The following CELF4 variants were observed in gnomAD, a reference collection of about 807,000 sequenced individuals.
CELF4 encodes the protein CUG-BP- and ETR-3-like factor 4.
A neutral mutation model predicts 59.9 loss-of-function variants in CELF4; 18 were observed. The ratio of observed to expected loss-of-function variants is 0.30; its 90% CI spans 0.21 to 0.45. CELF4 has a LOEUF of 0.45. Among genes scored for constraint, CELF4 ranks in the 20% least tolerant of loss-of-function variants. CELF4 has a pLI of 1.00. For missense variants in CELF4, 456 were observed against 689.0 expected (o/e 0.66, Z 3.79); for synonymous variants, 261 against 267.1 (o/e 0.98, Z 0.22).
In CELF4 at chr18:37,430,626, C is replaced by G. The variant is rs139986275; in HGVS notation, c.369+54899G>C. Reference sequence around the variant, plus strand: ...TTTAGGGCCTGGTTTTTGCAAATGACAGGCTGCAGAAGCAGTGTGTGCATC... The same window carrying G: ...TTTAGGGCCTGGTTTTTGCAAATGAGAGGCTGCAGAAGCAGTGTGTGCATC... On this transcript the variant is annotated intron_variant, in intron 2 of 12. Coordinates refer to ENST00000420428, the MANE Select transcript of CELF4 (RefSeq NM_020180.4). Among the ~76,000 whole-genome samples the G allele has an allele frequency of 6.5e-3, 995 of 152,350 alleles. 2 individuals carry two copies. Among genetic ancestry groups the G allele is most frequent in the Non-Finnish European group, 9.2e-3 (628 of 68,034 alleles).
chr18:37,398,199 C>A (rs147471421), intron 2 of CELF4, among the ~76,000 whole-genome samples: 1 of 152,266 alleles, frequency 6.6e-6, no homozygotes, highest in Non-Finnish European at 1.5e-5. Flanking sequence ...TCCCCCATTC[C>A]CTTTCAATAA....
At chr18:37,287,924 T>C (rs1292557905) in intron 3 of CELF4, among the ~76,000 whole-genome samples, 1 of 152,204 alleles carries the variant, frequency 6.6e-6, no homozygotes, top group Non-Finnish European at 1.5e-5. Context: ...TAAATGTGGA[T>C]GGATGGGTGG....
chr18:37,336,930 C>A (rs1173779394), intron 2 of CELF4, among the ~76,000 whole-genome samples: 3 of 151,992 alleles, frequency 2.0e-5, no homozygotes. Context: ...GCCCCATGAC[C>A]CGGACCCGAG....
At chr18:37,263,071 G>A (rs1178920714) in intron 10 of CELF4, among the ~76,000 whole-genome samples, 2 of 152,150 alleles carry the variant, frequency 1.3e-5, no homozygotes, top group Non-Finnish European at 2.9e-5. Flanking sequence ...GGTAAAGGAA[G>A]GGCAGTGTGC....
At chr18:37,316,340 C>T (rs2096868780) in intron 3 of CELF4, among the ~76,000 whole-genome samples, 1 of 152,142 alleles carries the variant, frequency 6.6e-6, no homozygotes, top group African/African-American at 2.4e-5. Context: ...AGTTTAAATA[C>T]AACTTGCTCC....
intron 2 of CELF4, among the ~76,000 whole-genome samples, chr18:37,348,607 T>A (rs1471569351): frequency 1.3e-5 from 2 of 151,688 alleles, no homozygotes; most frequent in Non-Finnish European, 2.9e-5. Flanking sequence ...AGCAGTGAGG[T>A]GGGGTGGGAC....
At chr18:37,532,805 CA>C (rs1569569779) in intron 1 of CELF4, among the ~76,000 whole-genome samples, 1 of 152,142 alleles carries the variant, frequency 6.6e-6, no homozygotes, top group African/African-American at 2.4e-5. Context: ...AAATTTTACA[CA>C]AAAGAAAAGA....
intron 2 of CELF4, among the ~76,000 whole-genome samples, chr18:37,331,960 G>A (rs1365186942): frequency 6.6e-6 from 1 of 152,146 alleles, no homozygotes; most frequent in Non-Finnish European, 1.5e-5. Flanking sequence ...CTGTTAGTTT[G>A]CAGACAGCAT....
chr18:37,278,527 C>T (rs1185836614), intron 3 of CELF4, among the ~76,000 whole-genome samples: 2 of 152,200 alleles, frequency 1.3e-5, no homozygotes. Flanking sequence ...CTCCCCTGCT[C>T]CACAACTGAG....
chr18:37,250,115 G>A (rs538579316), intron 12 of CELF4, among the ~76,000 whole-genome samples: 113 of 152,264 alleles, frequency 7.4e-4, no homozygotes, highest in African/African-American at 2.6e-3. Context: ...TGAGCTGGGC[G>A]GGGCCAGGCT....
At chr18:37,267,727 A>G (rs911166514) in intron 8 of CELF4, among the ~76,000 whole-genome samples, 2 of 152,076 alleles carry the variant, frequency 1.3e-5, no homozygotes, top group Non-Finnish European at 2.9e-5. Context: ...GTATCTCACT[A>G]AACCTCCACT....
At chr18:37,306,690 T>G (rs2096421381) in intron 3 of CELF4, among the ~76,000 whole-genome samples, 2 of 152,146 alleles carry the variant, frequency 1.3e-5, no homozygotes, top group Non-Finnish European at 2.9e-5. Context: ...AGCCCTTCAG[T>G]GGCCCCGATG....
chr18:37,518,945 CA>C (rs1230211813), intron 1 of CELF4, among the ~76,000 whole-genome samples: 1 of 152,212 alleles, frequency 6.6e-6, no homozygotes, highest in African/African-American at 2.4e-5. Context: ...CCTATAGGTA[CA>C]GGGGGTTGTC....
intron 1 of CELF4, among the ~76,000 whole-genome samples, chr18:37,503,303 TAGG>T (rs1252245819): frequency 1.3e-5 from 2 of 152,212 alleles, no homozygotes; most frequent in African/African-American, 4.8e-5. Flanking sequence ...AGCCAGAGAA[TAGG>T]AGAATATATT....
intron 1 of CELF4, among the ~76,000 whole-genome samples, chr18:37,543,994 T>G (rs2099979536): frequency 6.6e-6 from 1 of 151,858 alleles, no homozygotes; most frequent in Non-Finnish European, 1.5e-5. Context: ...GAAGCAGGCC[T>G]TGGCTTGGGG....
intron 2 of CELF4, among the ~76,000 whole-genome samples, chr18:37,442,958 C>A (rs570056160): frequency 1.3e-5 from 2 of 152,320 alleles, no homozygotes; most frequent in South Asian, 4.1e-4. Flanking sequence ...GTCTTGTCTG[C>A]ACCCTTACTT....
chr18:37,558,152 C>T lies in CELF4; in HGVS notation c.286+7204G>A, dbSNP rs111339139. On this transcript the variant is annotated intron_variant, in intron 1 of 12. Coordinates refer to ENST00000420428, the MANE Select transcript of CELF4 (RefSeq NM_020180.4). Reference sequence around the variant, plus strand: ...GAGTAGCTGGGACTACAGGCTTGCACCACCATGCCCCACTAATTCCCCTTC... The same window carrying T: ...GAGTAGCTGGGACTACAGGCTTGCATCACCATGCCCCACTAATTCCCCTTC... Among the ~76,000 whole-genome samples, 1,374 of 151,994 alleles carry T rather than the reference C, an allele frequency of 9.0e-3. 25 individuals are homozygous for T. The highest frequency in any genetic ancestry group is 0.031 in the African/African-American group (1,287 of 41,458).
chr18:37,318,668 G>A (rs1326064580), intron 3 of CELF4, among the ~76,000 whole-genome samples: 1 of 144,442 alleles, frequency 6.9e-6, no homozygotes, highest in African/African-American at 2.6e-5. Flanking sequence ...AAGAATAAAA[G>A]AGCTGAGTAA....
chr18:37,257,727 C>G (rs1237756416), intron 11 of CELF4, among the ~76,000 whole-genome samples: 1 of 152,184 alleles, frequency 6.6e-6, no homozygotes, highest in Non-Finnish European at 1.5e-5. Context: ...CTCTCTCCTC[C>G]CAGCCCCAGA....
Sources: gnomAD v4.1 joint callset for allele counts (sites outside exome capture counted in the v4.1 genomes callset) on GRCh38, gnomAD v4.1.1 for gene constraint, MANE v1.5 for transcripts, NCBI Gene and HGNC (gene_info 2026-07-23, HGNC 2026-07-21) for gene names.